The following GRM8 variants were observed in gnomAD, a reference collection of about 807,000 sequenced individuals.
GRM8 encodes metabotropic glutamate receptor 8.
A neutral mutation model predicts 87.2 loss-of-function variants in GRM8; 47 were observed. The ratio of observed to expected loss-of-function variants is 0.54; its 90% CI spans 0.43 to 0.69. The LOEUF is 0.69. Ranked by LOEUF, GRM8 falls within the 30% of genes least tolerant of loss-of-function variation. The pLI, the probability that GRM8 is intolerant of heterozygous loss-of-function variation, is 0.00. For missense variants in GRM8, 1,019 were observed against 1,139.2 expected (o/e 0.89, Z 1.52); for synonymous variants, 396 against 404.5 (o/e 0.98, Z 0.25).
chr7:126,528,180 GT>G (rs751667974), intron 9 of GRM8, among the ~76,000 whole-genome samples: 4 of 152,030 alleles, frequency 2.6e-5, no homozygotes, highest in Non-Finnish European at 4.4e-5. Context: ...CTCCAGCCTG[GT>G]GACAGAGCAG....
intron 7 of GRM8, among the ~76,000 whole-genome samples, chr7:126,686,827 T>C (rs767849031): frequency 6.6e-6 from 1 of 152,168 alleles, no homozygotes; most frequent in Non-Finnish European, 1.5e-5. Flanking sequence ...CCACCAGCCA[T>C]AGAGGCTTCC....
At chr7:126,755,953 CTTCAA>C (rs1816958468) in intron 7 of GRM8, among the ~76,000 whole-genome samples, 1 of 151,846 alleles carries the variant, frequency 6.6e-6, no homozygotes, top group Non-Finnish European at 1.5e-5. Context: ...ATGGGTAATT[CTTCAA>C]TTCAACCTTA....
intron 2 of GRM8, among the ~76,000 whole-genome samples, chr7:127,112,534 G>C (rs1016804669): frequency 3.9e-5 from 6 of 152,218 alleles, no homozygotes; most frequent in African/African-American, 1.4e-4. Flanking sequence ...CATTAATCAA[G>C]AACCCCTTTT....
At chr7:126,716,835 G>A (rs867410215) in intron 7 of GRM8, among the ~76,000 whole-genome samples, 1 of 152,180 alleles carries the variant, frequency 6.6e-6, no homozygotes, top group African/African-American at 2.4e-5. Flanking sequence ...GCATGAGGGA[G>A]AAGAGGAAGA....
At chr7:127,005,526 A>G (rs1336697320) in intron 3 of GRM8, among the ~76,000 whole-genome samples, 1 of 151,856 alleles carries the variant, frequency 6.6e-6, no homozygotes, top group Non-Finnish European at 1.5e-5. Context: ...TATTTCAACC[A>G]GACATAGTCT....
At chr7:126,917,520 T>A (rs1484586265) in intron 3 of GRM8, among the ~76,000 whole-genome samples, 1 of 152,204 alleles carries the variant, frequency 6.6e-6, no homozygotes, top group African/African-American at 2.4e-5. Context: ...AATGTTTTAA[T>A]ATCTAATTTC....
chr7:126,575,954 A>G (rs1038068401), intron 8 of GRM8, among the ~76,000 whole-genome samples: 1 of 152,148 alleles, frequency 6.6e-6, no homozygotes, highest in African/African-American at 2.4e-5. Context: ...AAGAAACATG[A>G]TGGAGGCTGA....
rs557308965 is a variant in GRM8, at chr7:126,874,474, A to AT, written c.1156+28067dup. Among the ~76,000 whole-genome samples, 315 of 152,102 alleles carry AT rather than the reference A, an allele frequency of 2.1e-3. 4 individuals carry two copies. The highest frequency in any genetic ancestry group is 7.0e-3 in the African/African-American group (291 of 41,534). On this transcript the variant is annotated intron_variant, in intron 6 of 10. Transcript: ENST00000339582. Reference sequence around the variant, plus strand: ...ACTGCAACTAGAATCTTTAATCCTGATTTTTTTAAATAATAATGATGGCTG... The same window carrying AT: ...ACTGCAACTAGAATCTTTAATCCTGATTTTTTTTAAATAATAATGATGGCTG...
At chr7:126,483,741 T>TTCCCTCCCTCCC (rs71177560) in intron 9 of GRM8, among the ~76,000 whole-genome samples, 2 of 57,288 alleles carry the variant, frequency 3.5e-5, no homozygotes, top group African/African-American at 6.9e-5. Context: ...CCCTTAGTAT[T>TTCCCTCCCTCCC]TCCCTCCCTC....
chr7:126,695,221 G>A (rs980406786), intron 7 of GRM8, among the ~76,000 whole-genome samples: 1 of 151,990 alleles, frequency 6.6e-6, no homozygotes, highest in African/African-American at 2.4e-5. Flanking sequence ...TTTTTAAAGG[G>A]AATTCTGTTA....
intron 6 of GRM8, among the ~76,000 whole-genome samples, chr7:126,799,849 T>C (rs1209210400): frequency 1.3e-5 from 2 of 152,126 alleles, no homozygotes; most frequent in African/African-American, 2.4e-5. Flanking sequence ...TGGGTTTACT[T>C]AGCTCATTGA....
chr7:127,043,941 CCAAAGA>C (rs1427900387), intron 3 of GRM8, among the ~76,000 whole-genome samples: 1 of 152,090 alleles, frequency 6.6e-6, no homozygotes, highest in African/African-American at 2.4e-5. Flanking sequence ...CTGGAGAATA[CCAAAGA>C]CAAACTTGAT....
At chr7:126,941,699 T>C (rs1003325223) in intron 3 of GRM8, among the ~76,000 whole-genome samples, 13 of 152,110 alleles carry the variant, frequency 8.5e-5, no homozygotes, top group African/African-American at 2.4e-5. Flanking sequence ...TAACTTTTAC[T>C]TCCAGAAAAA....
intron 6 of GRM8, among the ~76,000 whole-genome samples, chr7:126,788,053 C>T (rs1484592174): frequency 6.6e-6 from 1 of 151,980 alleles, no homozygotes; most frequent in East Asian, 1.9e-4. Flanking sequence ...TTATTTTCCT[C>T]AGTGAATCTT....
At chr7:126,544,970 C>T (rs1816975581) in intron 8 of GRM8, among the ~76,000 whole-genome samples, 3 of 152,274 alleles carry the variant, frequency 2.0e-5, no homozygotes, top group Admixed American at 2.0e-4. Flanking sequence ...TCAAAAGCCA[C>T]CATCTCTGGA....
At chr7:126,616,674 T>C (rs186799060) in intron 7 of GRM8, among the ~76,000 whole-genome samples, 31 of 151,796 alleles carry the variant, frequency 2.0e-4, no homozygotes, top group African/African-American at 7.5e-4. Flanking sequence ...ATAAACGCAA[T>C]AAAAAATGAT....
chr7:127,065,817 A>G (rs1821050154), intron 3 of GRM8, among the ~76,000 whole-genome samples: 1 of 152,166 alleles, frequency 6.6e-6, no homozygotes, highest in Non-Finnish European at 1.5e-5. Context: ...CTTTTCAACA[A>G]CTACTAAAAT....
intron 7 of GRM8, among the ~76,000 whole-genome samples, chr7:126,632,604 T>C (rs1475647597): frequency 6.6e-6 from 1 of 152,200 alleles, no homozygotes; most frequent in African/African-American, 2.4e-5. Flanking sequence ...GCAACACTAT[T>C]CACAATAAAA....
intron 6 of GRM8, among the ~76,000 whole-genome samples, chr7:126,883,491 G>T (rs1800203113): frequency 6.6e-6 from 1 of 152,142 alleles, no homozygotes; most frequent in African/African-American, 2.4e-5. Flanking sequence ...TACTCAAATT[G>T]ATTACAGCTT....
Sources: gnomAD v4.1 joint callset for allele counts (sites outside exome capture counted in the v4.1 genomes callset) on GRCh38, gnomAD v4.1.1 for gene constraint, MANE v1.5 for transcripts, NCBI Gene and HGNC (gene_info 2026-07-23, HGNC 2026-07-21) for gene names.